Variants in DPYS observed in about 807,000 individuals in gnomAD.
DPYS encodes dihydropyrimidine amidohydrolase.
In DPYS, 39 loss-of-function variants were observed where a neutral mutation model predicts 50.3. That is an observed-to-expected ratio of 0.78 (90% CI 0.60 to 1.01). The LOEUF (loss-of-function observed/expected upper bound fraction) is 1.01, where lower values mean the gene tolerates loss of function less well. Among genes scored for constraint, DPYS ranks in the 50% least tolerant of loss-of-function variants. The probability of loss-of-function intolerance (pLI) is 0.00; values close to 1 mark genes in which losing one functional copy is unlikely to be tolerated. For missense variants in DPYS, 659 were observed against 680.9 expected (o/e 0.97, Z 0.36); for synonymous variants, 245 against 250.7 (o/e 0.98, Z 0.22).
chr8:104,396,905 T>C (rs1223336219), intron 7 of DPYS, among the ~76,000 whole-genome samples: 2 of 151,848 alleles, frequency 1.3e-5, no homozygotes, highest in Non-Finnish European at 2.9e-5. Flanking sequence ...AGACAACATC[T>C]AAGAGATTCT....
intron 1 of DPYS, among the ~76,000 whole-genome samples, chr8:104,457,489 T>C (rs1389892403): frequency 6.6e-6 from 1 of 152,232 alleles, no homozygotes; most frequent in Non-Finnish European, 1.5e-5. Flanking sequence ...TGATTCAGGG[T>C]ACACTACTGT....
chr8:104,381,507 G>A (rs1162801185), intron 8 of DPYS, 193 bp from the exon 9 acceptor site: 1 of 569,612 alleles, frequency 1.8e-6, no homozygotes, highest in Non-Finnish European at 3.2e-6. Context: ...CTTTTTGTGG[G>A]TATTAATCTG....
chr8:104,464,823 AT>A (rs1814300515), intron 1 of DPYS, among the ~76,000 whole-genome samples: 1 of 152,232 alleles, frequency 6.6e-6, no homozygotes, highest in South Asian at 2.1e-4. Context: ...GTTTCCTACA[AT>A]CACATATTGT....
At chr8:104,415,616 G>A (rs1022406077) in intron 7 of DPYS, among the ~76,000 whole-genome samples, 4 of 151,278 alleles carry the variant, frequency 2.6e-5, no homozygotes, top group Non-Finnish European at 5.9e-5. Context: ...TCTTCTGAAG[G>A]CCACAAAATG....
intron 1 of DPYS, among the ~76,000 whole-genome samples, chr8:104,465,198 T>G (rs1814318856): frequency 6.8e-6 from 1 of 148,116 alleles, no homozygotes; most frequent in Admixed American, 6.8e-5. Flanking sequence ...ATGAATGAAG[T>G]AGCTATCACC....
intron 8 of DPYS, among the ~76,000 whole-genome samples, chr8:104,389,466 C>G (rs1372519735): frequency 6.6e-6 from 1 of 152,068 alleles, no homozygotes; most frequent in Non-Finnish European, 1.5e-5. Flanking sequence ...TATTTAATAT[C>G]TTTTCCACAC....
At chr8:104,460,928 T>C (rs1814133820) in intron 1 of DPYS, among the ~76,000 whole-genome samples, 1 of 152,122 alleles carries the variant, frequency 6.6e-6, no homozygotes, top group Non-Finnish European at 1.5e-5. Flanking sequence ...AAAGAGATGA[T>C]CTTTTAAAGA....
chr8:104,447,652 G>A, intron 2 of DPYS, 149 bp from the exon 3 acceptor site: 1 of 902,278 alleles, frequency 1.1e-6, no homozygotes, highest in South Asian at 1.5e-5. Flanking sequence ...TGCAATTAAG[G>A]CCTTGATCTT....
chr8:104,395,976 A>AG (rs1159350986), intron 7 of DPYS, among the ~76,000 whole-genome samples: 1 of 152,172 alleles, frequency 6.6e-6, no homozygotes, highest in Non-Finnish European at 1.5e-5. Context: ...AGAAGGATGG[A>AG]GGGGTATTAA....
chr8:104,381,372 G>A, intron 8 of DPYS, 58 bp from the exon 9 acceptor site: 1 of 1,459,912 alleles, frequency 6.8e-7, no homozygotes, highest in Admixed American at 1.7e-5. Context: ...TCAAAGTTAA[G>A]TGTAGCTCCC....
intron 7 of DPYS, among the ~76,000 whole-genome samples, chr8:104,414,607 T>C (rs938938569): frequency 6.6e-6 from 1 of 152,202 alleles, no homozygotes; most frequent in African/African-American, 2.4e-5. Flanking sequence ...ACTTCCACTG[T>C]AGTCTTCTAG....
chr8:104,437,740 T>C (rs1262023798), intron 4 of DPYS, among the ~76,000 whole-genome samples: 2 of 152,198 alleles, frequency 1.3e-5, no homozygotes, highest in Admixed American at 6.5e-5. Context: ...CACTGTACTT[T>C]ATGGACTCAA....
rs146566224 is a variant in DPYS, at chr8:104,419,766, A to G, written c.1235+4481T>C. 311 of 152,356 alleles carry G rather than the reference A, an allele frequency of 2.0e-3. 2 individuals are homozygous for G. The highest frequency in any genetic ancestry group is 7.2e-3 in the African/African-American group (301 of 41,576). 9.4% of individuals were successfully genotyped at this position (152,356 alleles called of 1,614,324 possible). On this transcript the variant is annotated intron_variant, in intron 7 of 9. Coordinates refer to ENST00000351513, the MANE Select transcript of DPYS (RefSeq NM_001385.3). ...GGTCATCAAAAACAGAGTCAGAGAA[A>G]TTGTCACAAGTCAGGGGAGCCTAAG...
In DPYS at chr8:104,466,689, G is replaced by C. The variant is rs1400753800; in HGVS notation, c.232C>G (p.Arg78Gly). The C allele has an allele frequency of 1.3e-6, 2 of 1,528,490 alleles. No individual in the cohort carries two copies. The highest frequency in any genetic ancestry group is 2.0e-5 in the Admixed American group (1 of 50,172). The allele number at this position is 1,528,490 out of a possible 1,614,324, so 94.7% of individuals were successfully genotyped here. A position where few individuals can be genotyped will look rare whatever the true frequency, so the allele number is the denominator to read the frequency against. The change falls in exon 1 of 10, where the codon CGG becomes GGG. Residue 78 changes from arginine to glycine, a missense_variant. Arg to Gly is a moderately radical substitution (Grantham distance 125, BLOSUM62 -2). Coordinates refer to ENST00000351513, the MANE Select transcript of DPYS (RefSeq NM_001385.3). Reference protein sequence around the residue: ...THMQFPFMGSRSIDDFHQGTK... With the variant: ...THMQFPFMGSGSIDDFHQGTK... ...CCCTGGTGGAAGTCGTCGATGGACC[G>C]CGAGCCCATGAAGGGGAACTGCATG...
rs1812865482 is a variant in DPYS, at chr8:104,429,338, G to A, written c.950+207C>T. On this transcript the variant is annotated intron_variant, in intron 5 of 9. Transcript: ENST00000351513. ...TTTCAGTGAAAACGATCTGATTTCT[G>A]AGAGTCTAGGAAAGGCTTTGACAAC... The A allele has an allele frequency of 2.2e-5, 13 of 598,612 alleles. No individual in the cohort carries two copies. The Middle Eastern group carries it at 1.8e-3, about 82-fold the overall frequency. The allele number at this position is 598,612 out of a possible 1,614,324, so 37.1% of individuals were successfully genotyped here.
intron 4 of DPYS, among the ~76,000 whole-genome samples, chr8:104,435,292 C>T (rs567999325): frequency 6.6e-6 from 1 of 152,210 alleles, no homozygotes; most frequent in African/African-American, 2.4e-5. Context: ...CCACATGAAA[C>T]ACAATGACAA....
intron 7 of DPYS, chr8:104,411,902 C>T (rs887301038): frequency 6.6e-6 from 1 of 152,082 alleles, no homozygotes; most frequent in Non-Finnish European, 1.5e-5. Context: ...AACATAACCT[C>T]AGCATAAAAA....
At chr8:104,410,648 TTGGGA>T (rs1289311919) in intron 7 of DPYS, among the ~76,000 whole-genome samples, 5 of 152,036 alleles carry the variant, frequency 3.3e-5, no homozygotes, top group Non-Finnish European at 7.4e-5. Context: ...GCCAGGCAAA[TTGGGA>T]AGCACAGATT....
rs1351150357 is a variant in DPYS, at chr8:104,408,713, CAG to C, written c.1235+15532_1235+15533del. ...GACCTAACATTAAAAAAATTATATA[CAG>C]AGTCATTCCTTGAGGCCACTAGTCC... On this transcript the variant is annotated intron_variant, in intron 7 of 9. Coordinates refer to ENST00000351513, the MANE Select transcript of DPYS (RefSeq NM_001385.3). 3.9e-5 allele frequency among the ~76,000 whole-genome samples: 6 copies of C among 152,074 alleles called. No individual in the cohort carries two copies. The East Asian group carries it at 9.6e-4, about 24-fold the overall frequency.
Sources: gnomAD v4.1 joint callset for allele counts (sites outside exome capture counted in the v4.1 genomes callset) on GRCh38, gnomAD v4.1.1 for gene constraint, MANE v1.5 for transcripts, NCBI Gene and HGNC (gene_info 2026-07-23, HGNC 2026-07-21) for gene names.